PALB2: variants seen among roughly 807,000 people sequenced by gnomAD.
The protein encoded by PALB2 is mutant partner and localizer of BRCA2.
A neutral mutation model predicts 107.4 loss-of-function variants in PALB2; 82 were observed. The observed-to-expected ratio is 0.76, with a 90% CI of 0.64 to 0.92. PALB2 has a LOEUF of 0.92. Ranked by LOEUF, PALB2 falls within the 40% of genes least tolerant of loss-of-function variation. PALB2 has a pLI of 0.00. For synonymous variants in PALB2, 489 were observed against 496.8 expected (o/e 0.98, Z 0.21); for missense variants, 1,374 against 1,379.9 (o/e 1.00, Z 0.07).
At chr16:23,608,037 C>T (rs1337388504) in intron 11 of PALB2, 25 bp from the exon 12 acceptor site, 2 of 1,606,878 alleles carry the variant, frequency 1.2e-6, no homozygotes, top group South Asian at 1.1e-5. Flanking sequence ...AAATAAATAT[C>T]CCAAATAGAC....
At chr16:23,629,572 A>G in intron 5 of PALB2, 68 bp downstream of exon 5, 1 of 1,465,718 alleles carries the variant, frequency 6.8e-7, no homozygotes, top group Non-Finnish European at 9.5e-7. Context: ...CAAGCAAGTC[A>G]TGCTGTTTAC....
At chr16:23,618,577 A>G (rs958057332) in intron 10 of PALB2, among the ~76,000 whole-genome samples, 1 of 151,956 alleles carries the variant, frequency 6.6e-6, no homozygotes, top group Admixed American at 6.6e-5. Context: ...GTAGTCGAAT[A>G]AAAAATGACC....
At chr16:23,633,932 C>T (rs1179112253) in intron 4 of PALB2, among the ~76,000 whole-genome samples, 1 of 152,068 alleles carries the variant, frequency 6.6e-6, no homozygotes, top group Non-Finnish European at 1.5e-5. Context: ...TGGTCTCAAA[C>T]TCCTGGGCTC....
chr16:23,614,809 C>A (rs9925547), intron 10 of PALB2, among the ~76,000 whole-genome samples: 30,019 of 150,640 alleles, frequency 0.2, 3,062 homozygotes, highest in African/African-American at 0.23. Context: ...CGCCACTACG[C>A]CCGGCTAATT....
chr16:23,612,512 C>G (rs747574627), intron 11 of PALB2, among the ~76,000 whole-genome samples: 6 of 150,998 alleles, frequency 4.0e-5, no homozygotes, highest in Non-Finnish European at 7.4e-5. Flanking sequence ...AGCCACCATG[C>G]CAGGCCAAGA....
At chr16:23,617,074 C>CA (rs1966697480) in intron 10 of PALB2, among the ~76,000 whole-genome samples, 1 of 152,112 alleles carries the variant, frequency 6.6e-6, no homozygotes, top group Admixed American at 6.6e-5. Context: ...CTCGGCCTCC[C>CA]AAAGTGCTGG....
intron 10 of PALB2, among the ~76,000 whole-genome samples, chr16:23,618,509 C>T (rs1966721077): frequency 6.6e-6 from 1 of 151,778 alleles, no homozygotes; most frequent in Admixed American, 6.6e-5. Flanking sequence ...AACATGGGCC[C>T]CTGTAAAGGT....
At position 23,634,945 on chromosome 16, in the gene PALB2, G is replaced by A. The variant is rs1555461200; in HGVS notation, c.1601C>T (p.Ser534Phe). The A allele has an allele frequency of 6.2e-7, 1 of 1,614,182 alleles. No homozygotes were observed. The highest frequency in any genetic ancestry group is 2.2e-5 in the East Asian group (1 of 44,880). ...GGACCTGTTAACAATCGACAGGCTA[G>A]AAGTTGGCAAAAGTGGTTCACAATG... The part of the protein sequence containing the change: ...SDHCEPLLPT[S>F]SLSIVNRSKE... Residue 534 changes from serine (S) to phenylalanine (F), a missense_variant, in exon 4 of 13, where the codon TCT (serine) becomes TTT (phenylalanine). Transcript: ENST00000261584.
At position 23,641,106 on chromosome 16, in the gene PALB2, G is replaced by A. The variant is rs876659843; in HGVS notation, c.48+4C>T. On this transcript the variant is annotated splice_donor_region_variant and intron_variant, in intron 1 of 12. Transcript: ENST00000261584. ...TGCGTCCGCCCTTCCCGCACCCCCG[G>A]CACCTTTTCCTTCTCCTCACAGCTG... 1.9e-6 allele frequency: 3 copies of A among 1,613,122 alleles called. No homozygotes were observed. In the African/African-American group the frequency reaches 4.0e-5, roughly 22 times the overall value.
At chr16:23,614,777 A>C (rs1966652442) in intron 10 of PALB2, among the ~76,000 whole-genome samples, 2 of 147,366 alleles carry the variant, frequency 1.4e-5, no homozygotes, top group South Asian at 4.3e-4. Context: ...CAGCCTCCCG[A>C]GTAGCTGGGA....
At chr16:23,631,205 A>G (rs1448118720) in intron 4 of PALB2, among the ~76,000 whole-genome samples, 3 of 142,284 alleles carry the variant, frequency 2.1e-5, no homozygotes, top group Admixed American at 1.5e-4. Context: ...GCGTGAACCC[A>G]GGAGGCGGAG....
chr16:23,624,225 G>A, intron 7 of PALB2, 131 bp from the exon 8 acceptor site: 2 of 691,962 alleles, frequency 2.9e-6, no homozygotes, highest in South Asian at 3.3e-5. Flanking sequence ...TGAAGGCTCA[G>A]AAAACTCTTT....
At chr16:23,614,644 GC>G (rs373051477) in intron 10 of PALB2, among the ~76,000 whole-genome samples, 1 of 141,084 alleles carries the variant, frequency 7.1e-6, no homozygotes, top group African/African-American at 2.7e-5. Context: ...TCACTTCCCA[GC>G]TTTTTTTTTT....
chr16:23,608,863 C>CTT (rs149382595), intron 11 of PALB2, among the ~76,000 whole-genome samples: 48,910 of 149,780 alleles, frequency 0.33, 8,423 homozygotes, highest in African/African-American at 0.44. Flanking sequence ...GAGTTTCGCT[C>CTT]GTTGCCCAGG....
chr16:23,607,034 C>T (rs1756968635), intron 12 of PALB2, among the ~76,000 whole-genome samples: 1 of 151,896 alleles, frequency 6.6e-6, no homozygotes, highest in African/African-American at 2.4e-5. Flanking sequence ...GGCTGGTGAA[C>T]TCCTGACCTC....
At chr16:23,608,435 C>A (rs1368631229) in intron 11 of PALB2, among the ~76,000 whole-genome samples, 2 of 152,122 alleles carry the variant, frequency 1.3e-5, no homozygotes, top group African/African-American at 2.4e-5. Flanking sequence ...TCTGATTCAT[C>A]CATTTCCTTC....
At chr16:23,637,755 G>A in intron 3 of PALB2, 95 bp downstream of exon 3, 1 of 907,124 alleles carries the variant, frequency 1.1e-6, no homozygotes, top group African/African-American at 1.6e-5. Context: ...TCTATTGCTA[G>A]TCATTATCTT....
In PALB2 at chr16:23,630,228, C is replaced by T. The variant is rs1597090741; in HGVS notation, c.1926G>A (p.Met642Ile). ...EKPVEPFESK[M>I]FGERHLKEGS... ...CCTCTTTAAGATGTCTCTCTCCAAA[C>T]ATTTTTGACTCAAAGGGCTCCACTG... The change falls in exon 5 of 13, where the codon ATG (methionine) becomes ATA (isoleucine). Residue 642 changes from methionine to isoleucine, a missense_variant. Met to Ile is a conservative substitution (Grantham distance 10, BLOSUM62 1). Transcript: ENST00000261584. The T allele has an allele frequency of 6.2e-7, 1 of 1,614,162 alleles. No individual in the cohort carries two copies. The highest frequency in any genetic ancestry group is 8.5e-7 in the Non-Finnish European group (1 of 1,180,030).
chr16:23,624,727 T>A (rs1205347986), intron 7 of PALB2, among the ~76,000 whole-genome samples: 1 of 152,196 alleles, frequency 6.6e-6, no homozygotes, highest in Non-Finnish European at 1.5e-5. Context: ...GTCAGGCTGG[T>A]CTTGAACTCC....
Sources: allele counts gnomAD v4.1 joint callset (sites outside exome capture counted in the v4.1 genomes callset), GRCh38; gene constraint gnomAD v4.1.1; transcripts MANE v1.5; gene names NCBI Gene and HGNC (gene_info 2026-07-23, HGNC 2026-07-21).